The following CD81 variants were observed in gnomAD, a reference collection of about 807,000 sequenced individuals.
CD81 encodes CD81 antigen.
CD81 carries 10 observed loss-of-function variants against 30.1 expected under a neutral mutation model. The ratio of observed to expected loss-of-function variants is 0.33; its 90% confidence interval spans 0.21 to 0.56. The LOEUF (loss-of-function observed/expected upper bound fraction) is 0.56, where lower values mean the gene tolerates loss of function less well. Among genes scored for constraint, CD81 ranks in the 20% least tolerant of loss-of-function variants. The probability of loss-of-function intolerance (pLI) is 0.89; values close to 1 mark genes in which losing one functional copy is unlikely to be tolerated. For missense variants in CD81, 263 were observed against 308.7 expected (o/e 0.85, Z 1.11); for synonymous variants, 147 against 126.4 (o/e 1.16, Z -1.10).
At position 2,397,265 on chromosome 11, in the gene CD81, G is replaced by A. The variant is rs1850030696; in HGVS notation, c.*399G>A. ...TGCACAGCTCACCTTGTTCCCTCCTGCCCCGGTTCGAGAGCCGAGTCTGTG... is the reference window on the plus strand; with the variant it reads ...TGCACAGCTCACCTTGTTCCCTCCTACCCCGGTTCGAGAGCCGAGTCTGTG... On this transcript the variant is annotated 3_prime_UTR_variant, in exon 8 of 8. Coordinates refer to ENST00000263645, the MANE Select transcript of CD81 (RefSeq NM_004356.4). The A allele has an allele frequency of 1.3e-5, 4 of 298,944 alleles. No individual in the cohort carries two copies. Among genetic ancestry groups the A allele is most frequent in the Admixed American group, 4.8e-5 (1 of 20,742 alleles). The allele number at this position is 298,944 out of a possible 1,614,324, so 18.5% of individuals were successfully genotyped here. A position where few individuals can be genotyped will look rare whatever the true frequency, so the allele number is the denominator to read the frequency against.
upstream of CD81, among the ~76,000 whole-genome samples, chr11:2,377,075 G>T (rs985604991): frequency 2.0e-5 from 3 of 152,252 alleles, no homozygotes; most frequent in African/African-American, 7.2e-5. This position sits in a 1 kb window ranked among gnomAD's most constrained non-coding sequence, Gnocchi z 7.7. Flanking sequence ...TGGGGGCTCG[G>T]AGCGCGACAG....
At chr11:2,385,091 C>T (rs908622063) in intron 1 of CD81, among the ~76,000 whole-genome samples, 6 of 152,104 alleles carry the variant, frequency 3.9e-5, no homozygotes, top group African/African-American at 1.4e-4. Context: ...GGCTCTGCCT[C>T]GGAAGAAGTT....
In CD81 at chr11:2,377,764, G is replaced by A. The variant is rs556669631; in HGVS notation, c.66+149G>A. On this transcript the variant is annotated intron_variant, in intron 1 of 7. Coordinates refer to ENST00000263645, the MANE Select transcript of CD81 (RefSeq NM_004356.4). The surrounding 1 kb of genome is among the most constrained non-coding windows in gnomAD (Gnocchi z 7.7). Reference sequence around the variant, plus strand: ...GTGGGCTCCAGGAGCGGGGTGGGGGGTCGCCCGGGGCCACCGCGCCCCCCG... The same window carrying A: ...GTGGGCTCCAGGAGCGGGGTGGGGGATCGCCCGGGGCCACCGCGCCCCCCG... 1.3e-5 allele frequency: 4 copies of A among 311,642 alleles called. No individual in the cohort carries two copies. Among genetic ancestry groups the A allele is most frequent in the Non-Finnish European group, 2.3e-5 (4 of 172,042 alleles). The allele number at this position is 311,642 out of a possible 1,614,324, so 19.3% of individuals were successfully genotyped here. A position where few individuals can be genotyped will look rare whatever the true frequency, so the allele number is the denominator to read the frequency against.
chr11:2,395,110 G>A (rs1195110841), intron 4 of CD81, 64 bp downstream of exon 4: 11 of 1,398,014 alleles, frequency 7.9e-6, no homozygotes, highest in Non-Finnish European at 1.0e-5. Flanking sequence ...CTCCTGTCGC[G>A]GGTGGGGGTT....
rs915120123 is a variant in CD81, at chr11:2,378,464, A to G, written c.66+849A>G. 9.2e-5 allele frequency among the ~76,000 whole-genome samples: 14 copies of G among 152,294 alleles called. No individual in the cohort carries two copies. The highest frequency in any genetic ancestry group is 4.6e-4 in the Admixed American group (7 of 15,308). On this transcript the variant is annotated intron_variant, in intron 1 of 7. Transcript: ENST00000263645. This position sits in a 1 kb window ranked among gnomAD's most constrained non-coding sequence, Gnocchi z 4.9. ...CCGCTGCTTTGCAAGAGGGGCCCCC[A>G]CGCTGGGCATCTTTGGGTGCCAGCG... is the stretch of plus-strand genomic sequence containing the variant.
upstream of CD81, chr11:2,376,852 C>T (rs1469786884): frequency 1.3e-5 from 2 of 152,426 alleles, no homozygotes; most frequent in Non-Finnish European, 2.9e-5. Context: ...GTGAGCAAAG[C>T]TTGCTGTCTT....
intron 1 of CD81, chr11:2,390,046 A>G (rs189296709): frequency 7.9e-6 from 3 of 380,654 alleles, no homozygotes; most frequent in African/African-American, 2.1e-5. Context: ...GATAAACACC[A>G]GATTATTTTT....
At chr11:2,385,925 G>T in intron 1 of CD81, 1 of 667,000 alleles carries the variant, frequency 1.5e-6, no homozygotes, top group South Asian at 1.6e-5. Flanking sequence ...CCTGTGCGTG[G>T]AGCAGCTGGG....
chr11:2,396,550 C>G, intron 6 of CD81, 78 bp from the exon 7 acceptor site: 1 of 1,227,738 alleles, frequency 8.1e-7, no homozygotes, highest in South Asian at 1.2e-5. Flanking sequence ...CTGTGGTGAC[C>G]ACGGATTACT....
chr11:2,381,523 C>G (rs1404769915), intron 1 of CD81, among the ~76,000 whole-genome samples: 4 of 152,250 alleles, frequency 2.6e-5, no homozygotes, highest in Admixed American at 2.6e-4. Flanking sequence ...CCCAAAAGAT[C>G]CCTACCCCTA....
In CD81 at chr11:2,394,083, T is replaced by A. The variant is rs1746198487; in HGVS notation, c.182-12T>A. 1 of 1,607,022 alleles carries A rather than the reference T, an allele frequency of 6.2e-7. No individual in the cohort carries two copies. Among genetic ancestry groups the A allele is most frequent in the African/African-American group, 1.3e-5 (1 of 74,786 alleles). ...TGTGTAGGCACCCACCTGGTGTCTC[T>A]CTCCCCGCAAGGCATCTACATCCTC... On this transcript the variant is annotated splice_polypyrimidine_tract_variant and intron_variant, in intron 2 of 7. Coordinates refer to ENST00000263645, the MANE Select transcript of CD81 (RefSeq NM_004356.4).
chr11:2,395,900 C>CT lies in CD81; in HGVS notation c.494dup (p.Leu165PhefsTer32). The CT allele has an allele frequency of 6.2e-7, 1 of 1,612,250 alleles. No homozygotes were observed. Reference sequence around the variant, plus strand: ...TGCTGTGGCTCCAGCACACTGACTGCTTTGACCACCTCAGTGCTCAAGAAC... The same window carrying CT: ...TGCTGTGGCTCCAGCACACTGACTGCTTTTGACCACCTCAGTGCTCAAGAAC... On this transcript the variant is annotated frameshift_variant, in exon 6 of 8. Coordinates refer to ENST00000263645, the MANE Select transcript of CD81 (RefSeq NM_004356.4). LOFTEE classifies it high-confidence loss of function.
Position 2,377,656 on chromosome 11 carries a change from A to G in CD81, c.66+41A>G, listed in dbSNP as rs772547927. ...GGGGCCGGGGCGGGAGGGGGCAGGC[A>G]CACACTCCACGTTGGGCAGGTCCCG... On this transcript the variant is annotated intron_variant, in intron 1 of 7. Transcript: ENST00000263645. The surrounding 1 kb of genome is among the most constrained non-coding windows in gnomAD (Gnocchi z 7.7). 4.5e-6 allele frequency: 6 copies of G among 1,344,476 alleles called. No individual in the cohort carries two copies. The East Asian group carries it at 1.8e-4, about 39-fold the overall frequency. The allele number at this position is 1,344,476 out of a possible 1,614,324, so 83.3% of individuals were successfully genotyped here.
rs35470178 is a variant in CD81 at position 2,383,419 on chromosome 11, A to G, written c.66+5804A>G. ...GTTGGCCTGCAGGGACCCAGGCTGGAGGGGCCGTTCACCTCCGGCCCCCAG... is the reference window on the plus strand; with the variant it reads ...GTTGGCCTGCAGGGACCCAGGCTGGGGGGGCCGTTCACCTCCGGCCCCCAG... On this transcript the variant is annotated intron_variant, in intron 1 of 7. Coordinates refer to ENST00000263645, the MANE Select transcript of CD81 (RefSeq NM_004356.4). Among the ~76,000 whole-genome samples, 147 of 152,184 alleles carry G rather than the reference A, an allele frequency of 9.7e-4. 4 individuals carry two copies. In the South Asian group the frequency reaches 0.029, roughly 30 times the overall value.
At chr11:2,386,537 A>G (rs1216381181) in intron 1 of CD81, 3 of 716,694 alleles carry the variant, frequency 4.2e-6, no homozygotes, top group African/African-American at 1.7e-5. Context: ...GACCATCACC[A>G]CCATTGTTGT....
chr11:2,381,365 A>G (rs905416603), intron 1 of CD81, among the ~76,000 whole-genome samples: 1 of 152,202 alleles, frequency 6.6e-6, no homozygotes, highest in Admixed American at 6.5e-5. Context: ...ACCAGGGTGC[A>G]TGCCCGAAAG....
Position 2,390,489 on chromosome 11 carries a change from G to A in CD81, c.144G>A (p.Glu48=). The A allele has an allele frequency of 1.2e-6, 2 of 1,613,014 alleles. No individual in the cohort carries two copies. The highest frequency in any genetic ancestry group is 1.7e-6 in the Non-Finnish European group (2 of 1,180,000). ...AGACCACCAACCTCCTGTATCTGGAGCTGGGAGACAAGCCCGCGCCCAACA... is the reference window on the plus strand; with the variant it reads ...AGACCACCAACCTCCTGTATCTGGAACTGGGAGACAAGCCCGCGCCCAACA... ...DPQTTNLLYL[E]LGDKPAPNTF... The change falls in exon 2 of 8, where the codon GAG becomes GAA. Residue 48 remains glutamate, a synonymous_variant. Coordinates refer to ENST00000263645, the MANE Select transcript of CD81 (RefSeq NM_004356.4).
Position 2,378,974 on chromosome 11 carries a change from C to A in CD81, c.66+1359C>A, listed in dbSNP as rs866946386. On this transcript the variant is annotated intron_variant, in intron 1 of 7. Coordinates refer to ENST00000263645, the MANE Select transcript of CD81 (RefSeq NM_004356.4). The surrounding 1 kb of genome is among the most constrained non-coding windows in gnomAD (Gnocchi z 4.9). ...GCAGTCACATCCCACCTTCCCCAAG[C>A]CGGGCTGTTCTGCACAGCCTGCTTG... Among the ~76,000 whole-genome samples, 13 of 152,346 alleles carry A rather than the reference C, an allele frequency of 8.5e-5. No homozygotes were observed. Among genetic ancestry groups the A allele is most frequent in the African/African-American group, 2.2e-4 (9 of 41,588 alleles).
At chr11:2,383,821 A>G (rs1391161934) in intron 1 of CD81, among the ~76,000 whole-genome samples, 1 of 152,082 alleles carries the variant, frequency 6.6e-6, no homozygotes, top group Non-Finnish European at 1.5e-5. Flanking sequence ...TGGGGTGACC[A>G]CTTGGCCCGT....
Sources: allele counts gnomAD v4.1 joint callset (sites outside exome capture counted in the v4.1 genomes callset), GRCh38; gene constraint gnomAD v4.1.1; non-coding constraint Gnocchi (gnomAD v3.1); transcripts MANE v1.5; gene names NCBI Gene and HGNC (gene_info 2026-07-23, HGNC 2026-07-21).